The following EPHA2 variants were observed in gnomAD, a reference collection of about 807,000 sequenced individuals.
EPHA2 encodes ephrin type-A receptor 2.
A neutral mutation model predicts 104.9 loss-of-function variants in EPHA2; 54 were observed. The ratio of observed to expected loss-of-function variants is 0.51; its 90% CI spans 0.41 to 0.65. The LOEUF is 0.65. EPHA2 is among the 30% of genes least tolerant of loss of function. The pLI is 0.00. For synonymous variants in EPHA2, 560 were observed against 559.1 expected (o/e 1.00, Z -0.02); for missense variants, 1,117 against 1,369.5 (o/e 0.82, Z 2.91).
intron 3 of EPHA2, among the ~76,000 whole-genome samples, chr1:16,140,962 G>A (rs1265023045): frequency 6.6e-6 from 1 of 152,146 alleles, no homozygotes; most frequent in Non-Finnish European, 1.5e-5. Flanking sequence ...TGACCTCCTG[G>A]CCTCAAGTGA....
intron 3 of EPHA2, among the ~76,000 whole-genome samples, chr1:16,146,080 A>T (rs1350877490): frequency 1.3e-5 from 2 of 152,192 alleles, no homozygotes; most frequent in South Asian, 4.1e-4. Flanking sequence ...TGCTGAGAGA[A>T]GTCTAGAGGT....
chr1:16,149,095 T>C, intron 2 of EPHA2, 48 bp from the exon 3 acceptor site: 5 of 1,596,142 alleles, frequency 3.1e-6, no homozygotes, highest in Non-Finnish European at 4.3e-6. Flanking sequence ...CTGGGGAAAC[T>C]GAGGCCCAGG....
Position 16,130,269 on chromosome 1 carries a change from G to A in EPHA2, c.2626C>T (p.Arg876Cys), listed in dbSNP as rs1242438036. The change falls in exon 15 of 17, where the codon CGT becomes TGT. Residue 876 changes from arginine (R) to cysteine (C), a missense_variant. This residue lies in a region of EPHA2 where 340 missense variants were observed against 480.5 expected (regional missense o/e 0.71). Coordinates refer to ENST00000358432, the MANE Select transcript of EPHA2 (RefSeq NM_004431.5). The surrounding 1 kb of genome is among the most constrained non-coding windows in gnomAD (Gnocchi z 4.5). ...DIVSILDKLI[R>C]APDSLKTLAD... ...AGGGTCTTGAGGGAGTCAGGGGCAC[G>A]AATGAGCTTGTCCAGGATGCTGACG... 6 of 1,614,038 alleles carry A rather than the reference G, an allele frequency of 3.7e-6. No individual in the cohort carries two copies. In the East Asian group the frequency reaches 8.9e-5, roughly 24 times the overall value.
chr1:16,132,339 T>C (rs1468557425), intron 12 of EPHA2, 39 bp downstream of exon 12: 16 of 1,614,064 alleles, frequency 9.9e-6, no homozygotes, highest in East Asian at 6.7e-5. Context: ...CCGGGCTCAA[T>C]GGCCAGGCAT....
intron 1 of EPHA2, among the ~76,000 whole-genome samples, chr1:16,154,303 A>T (rs2025105402): frequency 6.6e-6 from 1 of 152,158 alleles, no homozygotes; most frequent in South Asian, 2.1e-4. Flanking sequence ...TGCAACCAGA[A>T]GTCCCGGTTG....
intron 16 of EPHA2, among the ~76,000 whole-genome samples, chr1:16,127,733 G>A (rs920283598): frequency 8.5e-5 from 13 of 152,232 alleles, no homozygotes. Context: ...CCAGTGGCTG[G>A]TGGGAGGAGC....
intron 9 of EPHA2, 69 bp from the exon 10 acceptor site, chr1:16,133,675 A>G: frequency 3.7e-6 from 6 of 1,603,786 alleles, no homozygotes; most frequent in South Asian, 3.3e-5. Flanking sequence ...CTGGAGTCAG[A>G]GGAGAAGGTC....
Position 16,135,865 on chromosome 1 carries a change from C to T in EPHA2, c.1313-95G>A. On this transcript the variant is annotated intron_variant, in intron 5 of 16. Coordinates refer to ENST00000358432, the MANE Select transcript of EPHA2 (RefSeq NM_004431.5). The surrounding 1 kb of genome is among the most constrained non-coding windows in gnomAD (Gnocchi z 4.3). ...AGTGGACGTGGAGCCACATCCTCCACAGCCCAGATTCTTTCATTTTTTTGA... is the reference window on the plus strand; with the variant it reads ...AGTGGACGTGGAGCCACATCCTCCATAGCCCAGATTCTTTCATTTTTTTGA... 1.4e-6 allele frequency: 1 copy of T among 694,882 alleles called. No individual in the cohort carries two copies. Among genetic ancestry groups the T allele is most frequent in the South Asian group, 1.5e-5 (1 of 65,016 alleles). The allele number at this position is 694,882 out of a possible 1,614,324, so 43.0% of individuals were successfully genotyped here.
At chr1:16,154,389 C>T (rs183590500) in intron 1 of EPHA2, among the ~76,000 whole-genome samples, 1 of 152,146 alleles carries the variant, frequency 6.6e-6, no homozygotes, top group Admixed American at 6.5e-5. Flanking sequence ...TGCCCAACGG[C>T]TCCAGATCCG....
At chr1:16,154,399 G>A (rs1271557581) in intron 1 of EPHA2, among the ~76,000 whole-genome samples, 3 of 152,020 alleles carry the variant, frequency 2.0e-5, no homozygotes, top group African/African-American at 7.3e-5. Flanking sequence ...CTCCAGATCC[G>A]GCCTCTTTTC....
Position 16,135,920 on chromosome 1 carries a change from G to C in EPHA2, c.1313-150C>G, listed in dbSNP as rs144617471. 1.5e-5 allele frequency: 9 copies of C among 607,016 alleles called. No homozygotes were observed. The East Asian group carries it at 2.2e-4, about 15-fold the overall frequency. The allele number at this position is 607,016 out of a possible 1,614,324, so 37.6% of individuals were successfully genotyped here. ...GGATCTCGCTCTCTCACCCAGGCTC[G>C]AGTGCAGTGGCATGATCTCGGCCCA... On this transcript the variant is annotated intron_variant, in intron 5 of 16. Coordinates refer to ENST00000358432, the MANE Select transcript of EPHA2 (RefSeq NM_004431.5). This position sits in a 1 kb window ranked among gnomAD's most constrained non-coding sequence, Gnocchi z 4.3.
At position 16,131,934 on chromosome 1, in the gene EPHA2, A is replaced by G; in HGVS notation, c.2326-64T>C. 1 of 1,600,318 alleles carries G rather than the reference A, an allele frequency of 6.2e-7. No individual in the cohort carries two copies. The highest frequency in any genetic ancestry group is 8.5e-7 in the Non-Finnish European group (1 of 1,172,752). ...GGCTGGCCCCAGGACCATTGCAGCCAAGCCCCACGACCCCTCCCTGGACTC... is the reference window on the plus strand; with the variant it reads ...GGCTGGCCCCAGGACCATTGCAGCCGAGCCCCACGACCCCTCCCTGGACTC... On this transcript the variant is annotated intron_variant, in intron 13 of 16. Coordinates refer to ENST00000358432, the MANE Select transcript of EPHA2 (RefSeq NM_004431.5). The surrounding 1 kb of genome is among the most constrained non-coding windows in gnomAD (Gnocchi z 5.2).
Position 16,134,529 on chromosome 1 carries a change from C to T in EPHA2, c.1621G>A (p.Val541Met), listed in dbSNP as rs61731097. Residue 541 changes from valine (V) to methionine (M), a missense_variant, in exon 8 of 17, where the codon GTG becomes ATG. Around this residue, in one of 3 missense-constraint regions of EPHA2, gnomAD observed 664 missense variants for 784.8 expected, o/e 0.85. Coordinates refer to ENST00000358432, the MANE Select transcript of EPHA2 (RefSeq NM_004431.5). The surrounding 1 kb of genome is among the most constrained non-coding windows in gnomAD (Gnocchi z 4.5). Reference sequence around the variant, plus strand: ...AGAAGCAGGACCACACCGACAGCCACGCCGCCAATCACCGCCAAGTTGCCA... The same window carrying T: ...AGAAGCAGGACCACACCGACAGCCATGCCGCCAATCACCGCCAAGTTGCCA... ...GSGNLAVIGGVAVGVVLLLVL... is the reference protein window; with the variant it reads ...GSGNLAVIGGMAVGVVLLLVL... The T allele has an allele frequency of 1.3e-3, 2,158 of 1,614,116 alleles. 22 individuals are homozygous for T. The African/African-American group carries it at 0.026, about 19-fold the overall frequency.
In EPHA2 at chr1:16,148,198, A is replaced by G. The variant is rs547395373; in HGVS notation, c.823+180T>C. Among the ~76,000 whole-genome samples the G allele has an allele frequency of 5.1e-4, 77 of 152,342 alleles. No homozygotes were observed. Among genetic ancestry groups the G allele is most frequent in the African/African-American group, 1.8e-3 (75 of 41,584 alleles). ...GCCACAATTCATTCATTCTTAATGA[A>G]TGAGTTAGTCCAGCCTTAATAAGGA... On this transcript the variant is annotated intron_variant, in intron 3 of 16. Transcript: ENST00000358432. The surrounding 1 kb of genome is among the most constrained non-coding windows in gnomAD (Gnocchi z 4.9).
chr1:16,133,764 C>A, intron 9 of EPHA2, 96 bp downstream of exon 9: 1 of 1,490,596 alleles, frequency 6.7e-7, no homozygotes, highest in South Asian at 1.3e-5. Context: ...TGGCCCCACC[C>A]CAGTGCCCTG....
intron 2 of EPHA2, among the ~76,000 whole-genome samples, 198 bp from the exon 3 acceptor site, chr1:16,149,245 C>T (rs973532484): frequency 2.0e-5 from 3 of 152,146 alleles, no homozygotes; most frequent in Admixed American, 2.0e-4. Flanking sequence ...CTTTCTGGCA[C>T]ATGTCTGGAA....
Position 16,148,557 on chromosome 1 carries a change from A to G in EPHA2, c.644T>C (p.Ile215Thr), listed in dbSNP as rs2124261459. 1 of 1,612,794 alleles carries G rather than the reference A, an allele frequency of 6.2e-7. No homozygotes were observed. The highest frequency in any genetic ancestry group is 8.5e-7 in the Non-Finnish European group (1 of 1,180,004). The change falls in exon 3 of 17, where the codon ATC becomes ACC. Residue 215 changes from isoleucine to threonine, a missense_variant. By Grantham distance (89) the Ile-to-Thr change is moderately conservative. Transcript: ENST00000358432. The surrounding 1 kb of genome is among the most constrained non-coding windows in gnomAD (Gnocchi z 4.9). The stretch of plus-strand genomic sequence containing the variant: ...CAGGGAAGGTGCATCAGAGCCGGCG[A>G]TGGTCTCAGGGAAGTGGGCCAGGCC... Reference protein sequence around the residue: ...LQGLAHFPETIAGSDAPSLAT... With the variant: ...LQGLAHFPETTAGSDAPSLAT...
Position 16,126,796 on chromosome 1 carries a change from G to A in EPHA2, c.2826-1476C>T, listed in dbSNP as rs201020152. ...GAATCCCAGAAGAAACCTGACATCC[G>A]GTTTAAAAACCAGTGGGTTGTAAGC... On this transcript the variant is annotated intron_variant, in intron 16 of 16. Coordinates refer to ENST00000358432, the MANE Select transcript of EPHA2 (RefSeq NM_004431.5). Among the ~76,000 whole-genome samples the A allele has an allele frequency of 2.1e-3, 318 of 152,214 alleles. 1 individual carries two copies. Among genetic ancestry groups the A allele is most frequent in the African/African-American group, 7.4e-3 (309 of 41,512 alleles).
chr1:16,132,554 G>A (rs1194488192), intron 11 of EPHA2, 115 bp from the exon 12 acceptor site: 3 of 1,173,106 alleles, frequency 2.6e-6, no homozygotes, highest in South Asian at 2.5e-5. Flanking sequence ...CAGGTGTGGG[G>A]AGAGGTGGAA....
Sources: gnomAD v4.1 joint callset for allele counts (sites outside exome capture counted in the v4.1 genomes callset) on GRCh38, gnomAD v4.1.1 for gene constraint, gnomAD v4.1.1 regional missense constraint, Gnocchi (gnomAD v3.1) non-coding constraint, MANE v1.5 for transcripts, NCBI Gene and HGNC (gene_info 2026-07-23, HGNC 2026-07-21) for gene names.